ADCY2: variants seen among roughly 807,000 people sequenced by gnomAD.
ADCY2 encodes the protein adenylate cyclase type 2.
In ADCY2, 31 loss-of-function variants were observed where a neutral mutation model predicts 125.2. The observed-to-expected ratio is 0.25, with a 90% confidence interval of 0.19 to 0.33. The LOEUF (loss-of-function observed/expected upper bound fraction) is 0.33. ADCY2 is among the 10% of genes least tolerant of loss of function. The pLI is 1.00. For synonymous variants in ADCY2, 512 were observed against 548.4 expected, an observed-to-expected ratio of 0.93 and a Z score of 0.93; for missense variants, 904 against 1,418.2, an observed-to-expected ratio of 0.64 and a Z score of 5.82.
intron 2 of ADCY2, among the ~76,000 whole-genome samples, chr5:7,428,751 A>G (rs1026727545): frequency 6.6e-6 from 1 of 152,204 alleles, no homozygotes; most frequent in African/African-American, 2.4e-5. Flanking sequence ...AACAGGACAA[A>G]ATACTTGAAA....
At chr5:7,631,345 G>A (rs553736252) in intron 4 of ADCY2, among the ~76,000 whole-genome samples, 23 of 152,242 alleles carry the variant, frequency 1.5e-4, no homozygotes, top group African/African-American at 4.1e-4. Context: ...ACCACTCTCC[G>A]TCTTCTTTAT....
intron 10 of ADCY2, among the ~76,000 whole-genome samples, chr5:7,710,623 G>A (rs910875086): frequency 3.9e-5 from 6 of 152,196 alleles, no homozygotes; most frequent in Admixed American, 3.9e-4. Context: ...AGAGGAAGCT[G>A]CTGTGGCTGG....
At chr5:7,628,133 G>A (rs759388229) in intron 4 of ADCY2, among the ~76,000 whole-genome samples, 29 of 152,152 alleles carry the variant, frequency 1.9e-4, no homozygotes, top group Non-Finnish European at 3.5e-4. Flanking sequence ...GGAGCCCTTA[G>A]CACTCATGGG....
chr5:7,778,599 C>T (rs1430724484), intron 18 of ADCY2, among the ~76,000 whole-genome samples: 1 of 152,244 alleles, frequency 6.6e-6, no homozygotes, highest in Non-Finnish European at 1.5e-5. Flanking sequence ...GCAACAGCCT[C>T]CTATCAGGAA....
chr5:7,656,094 G>A (rs1579283608), intron 4 of ADCY2, among the ~76,000 whole-genome samples: 1 of 119,740 alleles, frequency 8.4e-6, no homozygotes, highest in East Asian at 2.4e-4. Context: ...CACTCTTGTT[G>A]CCCAGGCTGG....
intron 2 of ADCY2, among the ~76,000 whole-genome samples, chr5:7,497,612 A>C (rs184764851): frequency 6.6e-6 from 1 of 152,278 alleles, no homozygotes; most frequent in East Asian, 1.9e-4. Context: ...ATCCATAATG[A>C]GGAGAGAGAA....
At position 7,686,087 on chromosome 5, in the gene ADCY2, G is replaced by A. The variant is rs561396511; in HGVS notation, c.721-4604G>A. ...AGGAGTGTTTCATTGTTATCCTCCC[G>A]TTTGGAAAGTAAAGGAGCTTTAAGT... On this transcript the variant is annotated intron_variant, in intron 4 of 24. Transcript: ENST00000338316. Among the ~76,000 whole-genome samples the A allele has an allele frequency of 6.6e-5, 10 of 152,268 alleles. No homozygotes were observed. The South Asian group carries it at 1.5e-3, about 22-fold the overall frequency.
intron 1 of ADCY2, among the ~76,000 whole-genome samples, chr5:7,408,996 T>C (rs139599369): frequency 0.016 from 2,479 of 152,224 alleles, 75 homozygotes; most frequent in African/African-American, 0.057. Context: ...CCATCAATGG[T>C]AGACTGGATA....
At chr5:7,531,182 A>G (rs1197169078) in intron 3 of ADCY2, among the ~76,000 whole-genome samples, 1 of 152,162 alleles carries the variant, frequency 6.6e-6, no homozygotes, top group Non-Finnish European at 1.5e-5. Context: ...GTAGGCATAT[A>G]GAGAGCTGGT....
chr5:7,813,070 G>A (rs1488671684), intron 22 of ADCY2, among the ~76,000 whole-genome samples: 1 of 152,176 alleles, frequency 6.6e-6, no homozygotes, highest in Non-Finnish European at 1.5e-5. Flanking sequence ...TATTCCATTG[G>A]CAACCCTCTC....
chr5:7,807,484 G>T (rs1039353126), intron 22 of ADCY2, among the ~76,000 whole-genome samples: 1 of 152,122 alleles, frequency 6.6e-6, no homozygotes, highest in African/African-American at 2.4e-5. Context: ...GTGGATGGCC[G>T]TTGCCTTTGC....
chr5:7,809,628 C>G (rs1248272962), intron 22 of ADCY2, among the ~76,000 whole-genome samples: 2 of 152,212 alleles, frequency 1.3e-5, no homozygotes, highest in Non-Finnish European at 2.9e-5. Flanking sequence ...GGCAAATTAT[C>G]TGGGTAATGG....
chr5:7,577,953 G>C (rs11744004), intron 3 of ADCY2, among the ~76,000 whole-genome samples: 1 of 152,124 alleles, frequency 6.6e-6, no homozygotes, highest in Admixed American at 6.5e-5. Flanking sequence ...TCTTGGCTTC[G>C]TCTTAACCCT....
chr5:7,606,176 A>T (rs555303205), intron 3 of ADCY2, among the ~76,000 whole-genome samples: 2 of 152,264 alleles, frequency 1.3e-5, no homozygotes, highest in Non-Finnish European at 2.9e-5. Context: ...ACGTGGATTT[A>T]TTCACTTAAA....
chr5:7,822,866 G>A (rs563713166), intron 24 of ADCY2, among the ~76,000 whole-genome samples: 27 of 152,262 alleles, frequency 1.8e-4, no homozygotes, highest in Non-Finnish European at 2.4e-4. Flanking sequence ...GAAAGTCACC[G>A]GACTTGCACT....
Position 7,396,378 on chromosome 5 carries a change from C to T in ADCY2, c.82C>T (p.Arg28Trp). Residue 28 changes from arginine to tryptophan, a missense_variant, in exon 1 of 25, where the codon CGG becomes TGG. Arg to Trp is a moderately radical substitution (Grantham distance 101, BLOSUM62 -3). Around this residue, in one of 7 missense-constraint regions of ADCY2, gnomAD observed 113 missense variants for 108.0 expected, o/e 1.05. Transcript: ENST00000338316. The surrounding 1 kb of genome is among the most constrained non-coding windows in gnomAD (Gnocchi z 5.7). ...EAAGGGDGLP[R>W]SRDWLYESYY... ...GGCGGGCGGCGGAGACGGGCTGCCG[C>T]GGTCCCGGGACTGGCTCTACGAGTC... 1.9e-6 allele frequency: 3 copies of T among 1,558,800 alleles called. No individual in the cohort carries two copies. The highest frequency in any genetic ancestry group is 2.6e-5 in the East Asian group (1 of 38,176).
chr5:7,485,768 G>A (rs1742903476), intron 2 of ADCY2, among the ~76,000 whole-genome samples: 1 of 152,062 alleles, frequency 6.6e-6, no homozygotes, highest in Admixed American at 6.6e-5. Flanking sequence ...ATGATATAAA[G>A]TTTTATTAAC....
At chr5:7,727,752 G>T (rs1741975895) in intron 14 of ADCY2, among the ~76,000 whole-genome samples, 2 of 151,966 alleles carry the variant, frequency 1.3e-5, no homozygotes, top group Non-Finnish European at 2.9e-5. Context: ...GTCTTTGATT[G>T]TTATAGGTCA....
intron 4 of ADCY2, among the ~76,000 whole-genome samples, chr5:7,664,310 C>T (rs908594047): frequency 6.6e-6 from 1 of 152,102 alleles, no homozygotes; most frequent in East Asian, 1.9e-4. Flanking sequence ...AAAAATTTTA[C>T]TTCAACTGTA....
Sources: gnomAD v4.1 joint callset for allele counts (sites outside exome capture counted in the v4.1 genomes callset) on GRCh38, gnomAD v4.1.1 for gene constraint, gnomAD v4.1.1 regional missense constraint, Gnocchi (gnomAD v3.1) non-coding constraint, MANE v1.5 for transcripts, NCBI Gene and HGNC (gene_info 2026-07-23, HGNC 2026-07-21) for gene names.